Variants in FGFR2 observed in about 807,000 individuals in gnomAD.
FGFR2 encodes BEK fibroblast growth factor receptor.
Under a neutral mutation model 95.9 loss-of-function variants are expected in FGFR2, and 19 were observed. That is an observed-to-expected ratio of 0.20 (90% CI 0.14 to 0.29). The LOEUF (loss-of-function observed/expected upper bound fraction) is 0.29, where lower values mean the gene tolerates loss of function less well. Ranked by LOEUF, FGFR2 falls within the 10% of genes least tolerant of loss-of-function variation. FGFR2 has a pLI of 1.00. For synonymous variants in FGFR2, 392 were observed against 393.3 expected (o/e 1.00, Z 0.04); for missense variants, 707 against 1,056.9 (o/e 0.67, Z 4.59).
chr10:121,591,075 A>C (rs1862583315), intron 2 of FGFR2, among the ~76,000 whole-genome samples: 1 of 151,918 alleles, frequency 6.6e-6, no homozygotes, highest in Admixed American at 6.6e-5. Flanking sequence ...GCCCATTTTC[A>C]GCTGTTAAAA....
At chr10:121,532,504 C>G (rs1398710044) in intron 6 of FGFR2, among the ~76,000 whole-genome samples, 1 of 152,160 alleles carries the variant, frequency 6.6e-6, no homozygotes, top group African/African-American at 2.4e-5. Context: ...AATTAATTAA[C>G]TAGGCCACCG....
chr10:121,542,493 A>C (rs952075498), intron 5 of FGFR2, among the ~76,000 whole-genome samples: 1 of 152,226 alleles, frequency 6.6e-6, no homozygotes, highest in African/African-American at 2.4e-5. Flanking sequence ...CAGTGAGAGA[A>C]GAAATTCTGC....
chr10:121,580,980 A>G (rs984433030), intron 2 of FGFR2, among the ~76,000 whole-genome samples: 1 of 152,118 alleles, frequency 6.6e-6, no homozygotes, highest in Non-Finnish European at 1.5e-5. Context: ...ACCTGGGAGG[A>G]GGCAGAATCC....
chr10:121,564,416 G>A, intron 4 of FGFR2, 86 bp downstream of exon 4: 1 of 1,248,630 alleles, frequency 8.0e-7, no homozygotes, highest in Non-Finnish European at 1.2e-6. Flanking sequence ...GCATGGCGCA[G>A]AAGAGTCGAC....
intron 9 of FGFR2, among the ~76,000 whole-genome samples, chr10:121,509,370 T>C (rs575870445): frequency 6.6e-6 from 1 of 151,664 alleles, no homozygotes; most frequent in East Asian, 1.9e-4. Flanking sequence ...TTTAAGTAAA[T>C]GTGCTTTTCG....
chr10:121,565,778 A>G (rs2135128145), intron 2 of FGFR2, 74 bp from the exon 3 acceptor site: 18 of 1,569,682 alleles, frequency 1.1e-5, no homozygotes, highest in Non-Finnish European at 1.6e-5. Flanking sequence ...AACAAAGGTC[A>G]GTGGAGGCCT....
intron 4 of FGFR2, among the ~76,000 whole-genome samples, chr10:121,560,846 T>C (rs1856856057): frequency 6.6e-6 from 1 of 152,092 alleles, no homozygotes; most frequent in Non-Finnish European, 1.5e-5. Context: ...CGCATTTCAG[T>C]GTGAATCAGA....
intron 15 of FGFR2, among the ~76,000 whole-genome samples, chr10:121,486,856 C>A (rs1845479795): frequency 6.6e-6 from 1 of 152,146 alleles, no homozygotes; most frequent in African/African-American, 2.4e-5. Flanking sequence ...TCAAGGATGC[C>A]AAAGCAAGAT....
chr10:121,565,761 A>G lies in FGFR2; in HGVS notation c.110-57T>C, dbSNP rs1014052611. 7.5e-6 allele frequency: 12 copies of G among 1,606,748 alleles called. No individual in the cohort carries two copies. In the African/African-American group the frequency reaches 1.6e-4, roughly 21 times the overall value. On this transcript the variant is annotated intron_variant, in intron 2 of 17. Coordinates refer to ENST00000358487, the MANE Select transcript of FGFR2 (RefSeq NM_000141.5). Reference sequence around the variant, plus strand: ...CAGATGGGAAGGAGGGAGAGGAGAGAACGTCCAACAAAGGTCAGTGGAGGC... The same window carrying G: ...CAGATGGGAAGGAGGGAGAGGAGAGGACGTCCAACAAAGGTCAGTGGAGGC...
chr10:121,514,102 T>C (rs1419549898), intron 9 of FGFR2, among the ~76,000 whole-genome samples: 3 of 152,160 alleles, frequency 2.0e-5, no homozygotes, highest in Non-Finnish European at 4.4e-5. Context: ...AACAAGAATC[T>C]CTGGGGCTGA....
Position 121,538,611 on chromosome 10 carries a change from C to A in FGFR2, c.729G>T (p.Thr243=), listed in dbSNP as rs199890227. The change falls in exon 6 of 18, where the codon ACG becomes ACT. Residue 243 remains threonine (T), a synonymous_variant. Transcript: ENST00000358487. ...ACTCACCCACAACATCCAGGTGGTA[C>A]GTGTGATTGATGGACCCGTATTCAT... ...VENEYGSINH[T]YHLDVVERSP... The A allele has an allele frequency of 6.2e-7, 1 of 1,614,136 alleles. No individual in the cohort carries two copies. Among genetic ancestry groups the A allele is most frequent in the Non-Finnish European group, 8.5e-7 (1 of 1,180,016 alleles).
At chr10:121,522,302 A>G (rs184552700) in intron 6 of FGFR2, among the ~76,000 whole-genome samples, 3 of 152,368 alleles carry the variant, frequency 2.0e-5, no homozygotes, top group Non-Finnish European at 4.4e-5. Flanking sequence ...CTTTGAGCAT[A>G]ATCCCAGAAC....
intron 8 of FGFR2, among the ~76,000 whole-genome samples, chr10:121,515,536 AC>A (rs1245395915): frequency 2.0e-5 from 3 of 152,140 alleles, no homozygotes; most frequent in Non-Finnish European, 4.4e-5. Context: ...CTCAGTGGGC[AC>A]CTGCAATCCA....
intron 13 of FGFR2, among the ~76,000 whole-genome samples, chr10:121,495,052 G>A (rs890956915): frequency 6.6e-6 from 1 of 151,978 alleles, no homozygotes; most frequent in East Asian, 1.9e-4. Context: ...TTTGTCTTTC[G>A]AGACACTGAC....
At position 121,511,186 on chromosome 10, in the gene FGFR2, A is replaced by C. The variant is rs75887345; in HGVS notation, c.1287+3931T>G. Among the ~76,000 whole-genome samples the C allele has an allele frequency of 2.5e-4, 38 of 152,222 alleles. No homozygotes were observed. The East Asian group carries it at 7.2e-3, about 29-fold the overall frequency. ...AACTAAAGTCTGAAAAAAACAAAAAAAAAACCACCCTGCAGCCTCTTGTAC... is the reference window on the plus strand; with the variant it reads ...AACTAAAGTCTGAAAAAAACAAAAACAAAACCACCCTGCAGCCTCTTGTAC... On this transcript the variant is annotated intron_variant, in intron 9 of 17. Coordinates refer to ENST00000358487, the MANE Select transcript of FGFR2 (RefSeq NM_000141.5).
At chr10:121,564,700 C>A in intron 3 of FGFR2, 121 bp from the exon 4 acceptor site, 1 of 841,424 alleles carries the variant, frequency 1.2e-6, no homozygotes, top group East Asian at 2.5e-5. Flanking sequence ...CGCAAAGAGC[C>A]TGGGATTGTT....
rs192644775 is a variant in FGFR2, at chr10:121,525,010, G to T, written c.749-4841C>A. On this transcript the variant is annotated intron_variant, in intron 6 of 17. Transcript: ENST00000358487. ...ACATCTTCTCCACCAGGAAGGACAG[G>T]AAGGATTTACAGTTTTAGGCAAGAT... Among the ~76,000 whole-genome samples the T allele has an allele frequency of 1.1e-3, 163 of 152,294 alleles. 5 individuals carry two copies. The East Asian group carries it at 0.025, about 23-fold the overall frequency.
chr10:121,578,407 A>T (rs1191050793), intron 2 of FGFR2, among the ~76,000 whole-genome samples: 1 of 152,064 alleles, frequency 6.6e-6, no homozygotes, highest in Non-Finnish European at 1.5e-5. Flanking sequence ...GAAAATCCCG[A>T]TTCCCATTAA....
At chr10:121,481,969 C>G (rs2133730135) in intron 17 of FGFR2, 2 of 414,766 alleles carry the variant, frequency 4.8e-6, no homozygotes, top group Admixed American at 7.6e-5. Context: ...CCCGGAGTAG[C>G]TGGGATTACA....
Sources: gnomAD v4.1 joint callset for allele counts (sites outside exome capture counted in the v4.1 genomes callset) on GRCh38, gnomAD v4.1.1 for gene constraint, MANE v1.5 for transcripts, NCBI Gene and HGNC (gene_info 2026-07-23, HGNC 2026-07-21) for gene names.